The following KIF14 variants were observed in gnomAD, a reference collection of about 807,000 sequenced individuals.
KIF14 encodes kinesin family member 14.
A neutral mutation model predicts 176.2 loss-of-function variants in KIF14; 98 were observed. The ratio of observed to expected loss-of-function variants is 0.56; its 90% confidence interval spans 0.47 to 0.66. The LOEUF is 0.66. KIF14 is among the 30% of genes least tolerant of loss of function. The pLI, the probability that KIF14 is intolerant of heterozygous loss-of-function variation, is 0.00. For missense variants in KIF14, 1,751 were observed against 1,920.4 expected (o/e 0.91, Z 1.65); for synonymous variants, 566 against 632.2 (o/e 0.90, Z 1.57).
chr1:200,559,351 A>G lies in KIF14; in HGVS notation c.4332T>C (p.Phe1444=), dbSNP rs1392195847. Reference sequence around the variant, plus strand: ...TTACCTCATTTTTTGTACACTGCCTAAAGAGTTCATGCTGAAGTTCTTTTG... The same window carrying G: ...TTACCTCATTTTTTGTACACTGCCTGAAGAGTTCATGCTGAAGTTCTTTTG... ...EKAKELQHEL[F]RQCTKNEVTK... The change falls in exon 27 of 30, where the codon TTT becomes TTC. Residue 1444 remains phenylalanine, a synonymous_variant. Transcript: ENST00000367350. 3 of 1,587,382 alleles carry G rather than the reference A, an allele frequency of 1.9e-6. No individual in the cohort carries two copies. Among genetic ancestry groups the G allele is most frequent in the South Asian group, 2.3e-5 (2 of 86,666 alleles).
At chr1:200,619,938 TTGTATCCAACTCCTTACAAGGA>T (rs1419947152) in intron 1 of KIF14, among the ~76,000 whole-genome samples, 12 of 152,218 alleles carry the variant, frequency 7.9e-5, no homozygotes, top group African/African-American at 2.9e-4. Context: ...TTAGTCAGCT[TTGTATCCAACTCCTTACAAGGA>T]TGTAAACAAG....
chr1:200,613,078 G>A (rs1660238864), intron 4 of KIF14, among the ~76,000 whole-genome samples: 1 of 151,780 alleles, frequency 6.6e-6, no homozygotes, highest in African/African-American at 2.4e-5. Flanking sequence ...AGTAGAGACA[G>A]GATTTCACCA....
At position 200,586,145 on chromosome 1, in the gene KIF14, T is replaced by C. The variant is rs1406235336; in HGVS notation, c.3197A>G (p.Gln1066Arg). 4 of 1,601,388 alleles carry C rather than the reference T, an allele frequency of 2.5e-6. No homozygotes were observed. The Admixed American group carries it at 6.7e-5, about 27-fold the overall frequency. The change falls in exon 19 of 30, where the codon CAA becomes CGA. Residue 1066 changes from glutamine to arginine, a missense_variant. Gln to Arg is a conservative substitution (Grantham distance 43). Coordinates refer to ENST00000367350, the MANE Select transcript of KIF14 (RefSeq NM_014875.3). ...TEKQKIAKEV[Q>R]ILQQNRNNRD... Reference sequence around the variant, plus strand: ...ATTATTCCGATTCTGCTGTAGAATTTGTACTTCTTTAGCAATTTTTTGCTT... The same window carrying C: ...ATTATTCCGATTCTGCTGTAGAATTCGTACTTCTTTAGCAATTTTTTGCTT...
intron 22 of KIF14, among the ~76,000 whole-genome samples, chr1:200,570,852 A>G (rs1657745408): frequency 6.6e-6 from 1 of 152,154 alleles, no homozygotes. Flanking sequence ...TTTGTCACAC[A>G]GGTAACAGGC....
At chr1:200,617,519 T>C (rs1239697996) in intron 2 of KIF14, 93 bp downstream of exon 2, 2 of 1,227,636 alleles carry the variant, frequency 1.6e-6, no homozygotes, top group Non-Finnish European at 2.3e-6. Flanking sequence ...AGTTTGAAGA[T>C]GCACGAATAC....
In KIF14 at chr1:200,598,429, A is replaced by G; in HGVS notation, c.2365-8T>C. 1 of 1,595,008 alleles carries G rather than the reference A, an allele frequency of 6.3e-7. No homozygotes were observed. The highest frequency in any genetic ancestry group is 1.1e-5 in the South Asian group (1 of 87,664). ...AAACATAATTCCTGCTTTCTGGTAG[A>G]AGTCAGAAAAAGAAATTAATCTTAA... On this transcript the variant is annotated splice_region_variant and splice_polypyrimidine_tract_variant and intron_variant, in intron 13 of 29. Coordinates refer to ENST00000367350, the MANE Select transcript of KIF14 (RefSeq NM_014875.3).
chr1:200,614,873 A>ATTATTATC (rs1447140644), intron 3 of KIF14, among the ~76,000 whole-genome samples: 3 of 148,664 alleles, frequency 2.0e-5, no homozygotes, highest in Non-Finnish European at 4.5e-5. Flanking sequence ...TAGGACAGGT[A>ATTATTATC]TTATTATCAT....
rs1399831978 is a variant in KIF14, at chr1:200,617,801, A to G, written c.923T>C (p.Met308Thr). The G allele has an allele frequency of 2.5e-6, 4 of 1,614,104 alleles. No homozygotes were observed. Among genetic ancestry groups the G allele is most frequent in the Non-Finnish European group, 8.5e-7 (1 of 1,179,948 alleles). ...TCTTTGTTTAACTTGAAGGTTAGACATTCTATTCTTCAGTATTGATGGAGC... is the reference window on the plus strand; with the variant it reads ...TCTTTGTTTAACTTGAAGGTTAGACGTTCTATTCTTCAGTATTGATGGAGC... The part of the protein sequence containing the change: ...SPAPSILKNR[M>T]SNLQVKQRPK... Residue 308 changes from methionine (M) to threonine (T), a missense_variant, in exon 2 of 30, where the codon ATG becomes ACG. By Grantham distance (81) the Met-to-Thr change is moderately conservative. Coordinates refer to ENST00000367350, the MANE Select transcript of KIF14 (RefSeq NM_014875.3).
chr1:200,598,805 C>A (rs990399173), intron 13 of KIF14, among the ~76,000 whole-genome samples: 3 of 152,038 alleles, frequency 2.0e-5, no homozygotes, highest in African/African-American at 7.2e-5. Context: ...GTGATCCACC[C>A]GCCTCAGCCT....
In KIF14 at chr1:200,554,540, G is replaced by A. The variant is rs769821801; in HGVS notation, c.4495C>T (p.Arg1499Cys). Reference protein sequence around the residue: ...EYQDFKRMVNRAPEFLKLKHC... With the variant: ...EYQDFKRMVNCAPEFLKLKHC... ...TTTAACTTTAAGAATTCTGGAGCAC[G>A]ATTAACCATCCTCTTGAAATCTTGG... The change falls in exon 29 of 30, where the codon CGT becomes TGT. Residue 1499 changes from arginine (R) to cysteine (C), a missense_variant. Coordinates refer to ENST00000367350, the MANE Select transcript of KIF14 (RefSeq NM_014875.3). 11 of 1,555,482 alleles carry A rather than the reference G, an allele frequency of 7.1e-6. No homozygotes were observed. Among genetic ancestry groups the A allele is most frequent in the South Asian group, 2.3e-5 (2 of 88,084 alleles).
rs367802636 is a variant in KIF14, at chr1:200,600,308, G to C, written c.2300+48C>G. ...CTCTTGAGGTCCCTGCCATTCCTAT[G>C]ATTCCAGAGCAACACACTTAACATT... On this transcript the variant is annotated intron_variant, in intron 12 of 29. Transcript: ENST00000367350. 67 of 1,583,874 alleles carry C rather than the reference G, an allele frequency of 4.2e-5. No individual in the cohort carries two copies. The Middle Eastern group carries it at 5.0e-4, about 12-fold the overall frequency.
At chr1:200,573,225 A>G (rs959371373) in intron 22 of KIF14, among the ~76,000 whole-genome samples, 1 of 152,146 alleles carries the variant, frequency 6.6e-6, no homozygotes, top group African/African-American at 2.4e-5. Context: ...TCTTAATAGT[A>G]AATCCCTGTA....
At chr1:200,573,593 C>T (rs371429755) in intron 22 of KIF14, among the ~76,000 whole-genome samples, 83 of 152,166 alleles carry the variant, frequency 5.5e-4, no homozygotes, top group African/African-American at 1.8e-3. Flanking sequence ...CCCGCCACCG[C>T]GCCCGGCAAG....
chr1:200,584,417 A>G (rs1297735282), intron 19 of KIF14, among the ~76,000 whole-genome samples: 1 of 152,126 alleles, frequency 6.6e-6, no homozygotes, highest in Non-Finnish European at 1.5e-5. Flanking sequence ...AGAAAACTAC[A>G]GGCCAATATC....
At chr1:200,608,518 A>G (rs1307305363) in intron 5 of KIF14, among the ~76,000 whole-genome samples, 2 of 152,014 alleles carry the variant, frequency 1.3e-5, no homozygotes, top group African/African-American at 4.8e-5. Flanking sequence ...GCAATCCGCC[A>G]CACCCGGCTA....
At chr1:200,577,427 A>G (rs1658181399) in intron 21 of KIF14, among the ~76,000 whole-genome samples, 1 of 152,006 alleles carries the variant, frequency 6.6e-6, no homozygotes, top group African/African-American at 2.4e-5. Context: ...CAAAGTGTTG[A>G]GATTAAAAGC....
At position 200,552,165 on chromosome 1, in the gene KIF14, TC is replaced by T. The variant is rs1418492933; in HGVS notation, c.*1222del. The T allele has an allele frequency of 1.6e-4, 13 of 79,414 alleles. No homozygotes were observed. Among genetic ancestry groups the T allele is most frequent in the Admixed American group, 6.1e-4 (5 of 8,212 alleles). 4.9% of individuals were successfully genotyped at this position (79,414 alleles called of 1,614,324 possible). ...ATTTAAATGAATTCTTCTTTTTTTT[TC>T]TTCTTTTTTTTTAAATGAATTATTC... On this transcript the variant is annotated 3_prime_UTR_variant, in exon 30 of 30. Coordinates refer to ENST00000367350, the MANE Select transcript of KIF14 (RefSeq NM_014875.3).
chr1:200,554,457 G>C lies in KIF14; in HGVS notation c.4567+11C>G. The stretch of plus-strand genomic sequence containing the variant: ...AAATTCTGATTATAAACTCCATTTG[G>C]AGAATCATACCTTTCAGTGCAGAAA... On this transcript the variant is annotated intron_variant, in intron 29 of 29. Transcript: ENST00000367350. 6.8e-7 allele frequency: 1 copy of C among 1,479,980 alleles called. No individual in the cohort carries two copies. The highest frequency in any genetic ancestry group is 2.3e-5 in the East Asian group (1 of 43,110). The allele number at this position is 1,479,980 out of a possible 1,614,324, so 91.7% of individuals were successfully genotyped here. A position where few individuals can be genotyped will look rare whatever the true frequency, so the allele number is the denominator to read the frequency against.
intron 25 of KIF14, among the ~76,000 whole-genome samples, chr1:200,564,154 C>T (rs1274068410): frequency 6.8e-6 from 1 of 147,674 alleles, no homozygotes; most frequent in Non-Finnish European, 1.5e-5. Flanking sequence ...CCTAGCTACT[C>T]GAGAGGCTGA....
Sources: allele counts gnomAD v4.1 joint callset (sites outside exome capture counted in the v4.1 genomes callset), GRCh38; gene constraint gnomAD v4.1.1; transcripts MANE v1.5; gene names NCBI Gene and HGNC (gene_info 2026-07-23, HGNC 2026-07-21).